CLIC5: variants seen among roughly 807,000 people sequenced by gnomAD.
CLIC5 encodes CLIC family member 5, also known as chloride intracellular channel protein 5.
CLIC5 carries 20 observed loss-of-function variants against 24.7 expected under a neutral mutation model. That is an observed-to-expected ratio of 0.81 (90% CI 0.57 to 1.18). The LOEUF (loss-of-function observed/expected upper bound fraction) is 1.18. Ranked by LOEUF, CLIC5 falls within the 50% of genes most tolerant of loss-of-function variation. The pLI is 0.00. For synonymous variants in CLIC5, 159 were observed against 135.6 expected (o/e 1.17, Z -1.20); for missense variants, 341 against 326.1 (o/e 1.05, Z -0.35).
chr6:45,910,243 A>G (rs954611881), intron 5 of CLIC5, among the ~76,000 whole-genome samples: 1 of 152,168 alleles, frequency 6.6e-6, no homozygotes, highest in African/African-American at 2.4e-5. Context: ...TGATAATAAC[A>G]AACATTTATT....
At chr6:46,065,361 TAA>T (rs1215042303) in intron 1 of CLIC5, among the ~76,000 whole-genome samples, 1 of 133,926 alleles carries the variant, frequency 7.5e-6, no homozygotes, top group Non-Finnish European at 1.6e-5. Flanking sequence ...TTTTTTTTTT[TAA>T]AAAAAAGGTT....
intron 1 of CLIC5, among the ~76,000 whole-genome samples, chr6:46,034,904 G>A (rs915873924): frequency 3.3e-5 from 5 of 152,174 alleles, no homozygotes; most frequent in African/African-American, 7.2e-5. Flanking sequence ...AAGTGGGACC[G>A]TAATAGCTGT....
chr6:46,036,306 CTTTT>C (rs67557243), intron 1 of CLIC5, among the ~76,000 whole-genome samples: 1 of 88,156 alleles, frequency 1.1e-5, no homozygotes. Flanking sequence ...ACTGCAAGGT[CTTTT>C]TTTTTTTTTT....
chr6:46,009,103 C>T (rs1766707281), intron 1 of CLIC5, among the ~76,000 whole-genome samples: 1 of 151,922 alleles, frequency 6.6e-6, no homozygotes, highest in Non-Finnish European at 1.5e-5. Flanking sequence ...CTCTTTCATG[C>T]CCCAAAGGCT....
At chr6:46,047,688 T>C (rs910413963) in intron 1 of CLIC5, among the ~76,000 whole-genome samples, 4 of 152,314 alleles carry the variant, frequency 2.6e-5, no homozygotes, top group South Asian at 2.1e-4. Flanking sequence ...CTATAAACAG[T>C]TGCAGTTTTA....
intron 1 of CLIC5, among the ~76,000 whole-genome samples, chr6:45,983,023 G>A (rs1018382458): frequency 2.0e-5 from 3 of 152,188 alleles, no homozygotes; most frequent in Admixed American, 1.3e-4. Context: ...ACTTTTATGA[G>A]CTGCACAGGG....
intron 1 of CLIC5, among the ~76,000 whole-genome samples, chr6:46,059,537 T>C (rs1237274250): frequency 1.3e-5 from 2 of 152,136 alleles, no homozygotes; most frequent in Non-Finnish European, 2.9e-5. Flanking sequence ...GATAGTAAAT[T>C]CAACTGTTGG....
At position 46,015,695 on chromosome 6, in the gene CLIC5, C is replaced by A; in HGVS notation, c.-153G>T. On this transcript the variant is annotated 5_prime_UTR_variant, in exon 1 of 6. Transcript: ENST00000339561. ...AAAACCATCTATTCTCCAGCCCGAG[C>A]AGCGGGGTCTGAGAGATCAGTGTCC... The A allele has an allele frequency of 2.3e-6, 3 of 1,286,670 alleles. No homozygotes were observed. The highest frequency in any genetic ancestry group is 3.0e-6 in the Non-Finnish European group (3 of 1,013,084). 79.7% of individuals were successfully genotyped at this position (1,286,670 alleles called of 1,614,324 possible).
At chr6:46,128,309 C>T in the CLIC5 span, among the ~76,000 whole-genome samples, 7 of 152,322 alleles carry the variant, frequency 4.6e-5, no homozygotes, top group East Asian at 3.9e-4. Flanking sequence ...GCTATCTTCA[C>T]CACACATCTG....
At chr6:45,972,566 A>C (rs1431698531) in intron 1 of CLIC5, among the ~76,000 whole-genome samples, 1 of 152,242 alleles carries the variant, frequency 6.6e-6, no homozygotes, top group African/African-American at 2.4e-5. Flanking sequence ...GGTTGTCTGC[A>C]GCCTTGCTGC....
At chr6:46,073,678 T>G (rs1762684683) in intron 1 of CLIC5, among the ~76,000 whole-genome samples, 2 of 152,232 alleles carry the variant, frequency 1.3e-5, no homozygotes, top group Non-Finnish European at 2.9e-5. Flanking sequence ...CCCCTTAGTT[T>G]GCAGTGAAAG....
chr6:46,016,407 G>A, upstream of CLIC5, among the ~76,000 whole-genome samples: 1 of 152,120 alleles, frequency 6.6e-6, no homozygotes, highest in East Asian at 1.9e-4. Context: ...GGAGAGTAGG[G>A]TGCTGGGGAC....
chr6:45,965,743 GT>G (rs1404291780), intron 1 of CLIC5, among the ~76,000 whole-genome samples: 1 of 152,184 alleles, frequency 6.6e-6, no homozygotes, highest in African/African-American at 2.4e-5. Flanking sequence ...CAGGAAATAT[GT>G]TTTCCACTTA....
upstream of CLIC5, among the ~76,000 whole-genome samples, chr6:46,020,373 C>T (rs9349341): frequency 0.25 from 37,850 of 151,936 alleles, 5,735 homozygotes; most frequent in African/African-American, 0.43. Flanking sequence ...ATATTTTGAA[C>T]TGAATTCAAA....
chr6:46,102,269 G>A, the CLIC5 span, among the ~76,000 whole-genome samples: 2 of 152,312 alleles, frequency 1.3e-5, no homozygotes, highest in Admixed American at 1.3e-4. Flanking sequence ...ATAAGGGTAT[G>A]ATCTAATGCT....
the CLIC5 span, among the ~76,000 whole-genome samples, chr6:46,086,705 T>C: frequency 6.6e-6 from 1 of 152,204 alleles, no homozygotes; most frequent in African/African-American, 2.4e-5. Context: ...CAAAGACAGA[T>C]GCTCACAGAA....
At chr6:45,921,137 G>A (rs763489305) in intron 4 of CLIC5, among the ~76,000 whole-genome samples, 14 of 152,308 alleles carry the variant, frequency 9.2e-5, no homozygotes, top group Non-Finnish European at 1.9e-4. Flanking sequence ...CTCATCCGCA[G>A]TGACCTTTCT....
intron 1 of CLIC5, among the ~76,000 whole-genome samples, chr6:46,078,667 T>C (rs899611287): frequency 6.6e-6 from 1 of 152,082 alleles, no homozygotes; most frequent in African/African-American, 2.4e-5. Context: ...CTCAGCAGAG[T>C]ACAAGGCAAT....
chr6:45,981,510 T>C (rs1332458849), intron 1 of CLIC5, among the ~76,000 whole-genome samples: 4 of 152,212 alleles, frequency 2.6e-5, no homozygotes, highest in Non-Finnish European at 5.9e-5. Context: ...TATATATTTA[T>C]CAAAGACCAT....
Sources: gnomAD v4.1 joint callset for allele counts (sites outside exome capture counted in the v4.1 genomes callset) on GRCh38, gnomAD v4.1.1 for gene constraint, MANE v1.5 for transcripts, NCBI Gene and HGNC (gene_info 2026-07-23, HGNC 2026-07-21) for gene names.